Variants in PLEKHF2 observed in about 807,000 individuals in gnomAD.
The protein encoded by PLEKHF2 is pleckstrin homology domain-containing family F member 2.
In PLEKHF2, 4 loss-of-function variants were observed where a neutral mutation model predicts 14.7. The ratio of observed to expected loss-of-function variants is 0.27; its 90% CI spans 0.13 to 0.62. The LOEUF (loss-of-function observed/expected upper bound fraction) is 0.62. Among genes scored for constraint, PLEKHF2 ranks in the 20% least tolerant of loss-of-function variants. PLEKHF2 has a pLI of 0.85. For missense variants in PLEKHF2, 201 were observed against 307.7 expected, an observed-to-expected ratio of 0.65 and a Z score of 2.60; for synonymous variants, 90 against 103.5, an observed-to-expected ratio of 0.87 and a Z score of 0.79.
chr8:95,134,765 G>A (rs1020839678), intron 1 of PLEKHF2, among the ~76,000 whole-genome samples: 1 of 152,150 alleles, frequency 6.6e-6, no homozygotes, highest in African/African-American at 2.4e-5. Context: ...GAAGGTTACA[G>A]ACACCTAAGC....
chr8:95,141,106 AG>A (rs1233034201), intron 1 of PLEKHF2, among the ~76,000 whole-genome samples: 3 of 152,228 alleles, frequency 2.0e-5, no homozygotes, highest in Non-Finnish European at 4.4e-5. Flanking sequence ...GCACAGAGCA[AG>A]TGATAATAAA....
chr8:95,141,487 A>AAT lies in PLEKHF2; in HGVS notation c.-15+7459_-15+7460dup, dbSNP rs1200643089. On this transcript the variant is annotated intron_variant, in intron 1 of 1. Coordinates refer to ENST00000315367, the MANE Select transcript of PLEKHF2 (RefSeq NM_024613.4). ...TTATTTTTCCCCCCTTTTCCCACTA[A>AAT]ATAACTCCCCTACAGCCTCTGCTGC... Among the ~76,000 whole-genome samples, 7 of 152,074 alleles carry AAT rather than the reference A, an allele frequency of 4.6e-5. No individual in the cohort carries two copies. In the East Asian group the frequency reaches 1.3e-3, roughly 29 times the overall value.
At chr8:95,149,353 TC>T (rs1420687618) in intron 1 of PLEKHF2, among the ~76,000 whole-genome samples, 1 of 152,138 alleles carries the variant, frequency 6.6e-6, no homozygotes, top group Non-Finnish European at 1.5e-5. Context: ...TCATTGTACT[TC>T]ATCTTTTGGA....
At chr8:95,143,431 T>A (rs1229557119) in intron 1 of PLEKHF2, among the ~76,000 whole-genome samples, 2 of 152,166 alleles carry the variant, frequency 1.3e-5, no homozygotes, top group African/African-American at 4.8e-5. Context: ...AACCTCCACA[T>A]CTGTTGGGAA....
At chr8:95,138,936 G>A (rs1587303636) in intron 1 of PLEKHF2, among the ~76,000 whole-genome samples, 2 of 152,106 alleles carry the variant, frequency 1.3e-5, no homozygotes, top group African/African-American at 4.8e-5. Flanking sequence ...TAGAATTGTT[G>A]TATAAACTTT....
intron 1 of PLEKHF2, among the ~76,000 whole-genome samples, chr8:95,141,875 G>A (rs900213037): frequency 2.6e-5 from 4 of 151,988 alleles, no homozygotes; most frequent in African/African-American, 9.7e-5. Flanking sequence ...TACTTGCAAA[G>A]CTTTGTGCCT....
chr8:95,153,551 T>C (rs1194367164), intron 1 of PLEKHF2, among the ~76,000 whole-genome samples: 1 of 152,188 alleles, frequency 6.6e-6, no homozygotes, highest in Non-Finnish European at 1.5e-5. Flanking sequence ...CCAGGACACA[T>C]GTTGGGAAAC....
In PLEKHF2 at chr8:95,155,913, T is replaced by G. The variant is rs1810613819; in HGVS notation, c.*1119T>G. 1 of 167,098 alleles carries G rather than the reference T, an allele frequency of 6.0e-6. No homozygotes were observed. The highest frequency in any genetic ancestry group is 6.5e-5 in the Admixed American group (1 of 15,282). The allele number at this position is 167,098 out of a possible 1,614,324, so 10.4% of individuals were successfully genotyped here. Reference sequence around the variant, plus strand: ...AAATATAGTGTTATATTTTATAAAGTTTTGTAAAATCCCAAACAATATTTC... The same window carrying G: ...AAATATAGTGTTATATTTTATAAAGGTTTGTAAAATCCCAAACAATATTTC... On this transcript the variant is annotated 3_prime_UTR_variant, in exon 2 of 2. Transcript: ENST00000315367.
At chr8:95,147,155 T>G (rs1385397587) in intron 1 of PLEKHF2, among the ~76,000 whole-genome samples, 1 of 152,060 alleles carries the variant, frequency 6.6e-6, no homozygotes, top group Non-Finnish European at 1.5e-5. Context: ...TCATCAACAT[T>G]TCAGTGGGAT....
intron 1 of PLEKHF2, among the ~76,000 whole-genome samples, chr8:95,134,630 G>T (rs1458829860): frequency 6.6e-6 from 1 of 152,176 alleles, no homozygotes; most frequent in African/African-American, 2.4e-5. Context: ...ATCCTTTGAC[G>T]AATTTATTTT....
intron 1 of PLEKHF2, among the ~76,000 whole-genome samples, chr8:95,139,106 A>C (rs1196061439): frequency 2.6e-5 from 4 of 152,124 alleles, no homozygotes; most frequent in Non-Finnish European, 4.4e-5. Context: ...GTCATTTTTT[A>C]AATTTACTGG....
In PLEKHF2 at chr8:95,138,960, A is replaced by G. The variant is rs141432293; in HGVS notation, c.-15+4930A>G. ...TGTATAAACTTTCTAAAGCATTTCTATTGCCAAAATGGCATTTAGAAAAGT... is the reference window on the plus strand; with the variant it reads ...TGTATAAACTTTCTAAAGCATTTCTGTTGCCAAAATGGCATTTAGAAAAGT... On this transcript the variant is annotated intron_variant, in intron 1 of 1. Coordinates refer to ENST00000315367, the MANE Select transcript of PLEKHF2 (RefSeq NM_024613.4). Among the ~76,000 whole-genome samples the G allele has an allele frequency of 3.7e-3, 565 of 152,342 alleles. 6 individuals carry two copies. Among genetic ancestry groups the G allele is most frequent in the African/African-American group, 0.012 (513 of 41,584 alleles).
Position 95,154,744 on chromosome 8 carries a change from C to T in PLEKHF2, c.700C>T (p.Pro234Ser). 6.2e-7 allele frequency: 1 copy of T among 1,614,034 alleles called. No individual in the cohort carries two copies. The highest frequency in any genetic ancestry group is 1.1e-5 in the South Asian group (1 of 91,078). ...SDSYSQSLKS[P>S]LNDMSDDDDD... ...CTCTTACAGCCAGTCATTGAAGTCT[C>T]CTTTAAATGATATGTCTGATGATGA... The change falls in exon 2 of 2, where the codon CCT (proline) becomes TCT (serine). Residue 234 changes from proline to serine, a missense_variant. Pro to Ser is a moderately conservative substitution (Grantham distance 74). Transcript: ENST00000315367. The surrounding 1 kb of genome is among the most constrained non-coding windows in gnomAD (Gnocchi z 5.6).
At chr8:95,148,758 C>G (rs991973524) in intron 1 of PLEKHF2, among the ~76,000 whole-genome samples, 1 of 152,146 alleles carries the variant, frequency 6.6e-6, no homozygotes, top group Middle Eastern at 3.4e-3. Flanking sequence ...TTAATTAGCT[C>G]TTTTAGAATG....
intron 1 of PLEKHF2, among the ~76,000 whole-genome samples, chr8:95,147,795 T>G (rs1330087626): frequency 6.6e-6 from 1 of 152,054 alleles, no homozygotes; most frequent in Non-Finnish European, 1.5e-5. Flanking sequence ...TTAGCATTTT[T>G]CTTCTAAGCT....
chr8:95,152,074 C>A (rs1810570251), intron 1 of PLEKHF2, among the ~76,000 whole-genome samples: 1 of 152,056 alleles, frequency 6.6e-6, no homozygotes, highest in Admixed American at 6.6e-5. Context: ...GTCTTAAAAT[C>A]TATAGCACCT....
intron 1 of PLEKHF2, among the ~76,000 whole-genome samples, chr8:95,144,164 A>C (rs548443373): frequency 2.6e-5 from 4 of 152,206 alleles, no homozygotes; most frequent in Non-Finnish European, 5.9e-5. Context: ...TTAAATAATA[A>C]AAATTTAGAG....
At chr8:95,143,958 C>T (rs1186677517) in intron 1 of PLEKHF2, among the ~76,000 whole-genome samples, 1 of 152,158 alleles carries the variant, frequency 6.6e-6, no homozygotes, top group Non-Finnish European at 1.5e-5. Context: ...CCCAGGACAG[C>T]TTGGAATGTG....
chr8:95,143,501 A>G (rs140609557), intron 1 of PLEKHF2, among the ~76,000 whole-genome samples: 7 of 152,322 alleles, frequency 4.6e-5, no homozygotes, highest in African/African-American at 1.7e-4. Context: ...AAGTGGTGCA[A>G]ATAAAATGGT....
Sources: allele counts gnomAD v4.1 joint callset (sites outside exome capture counted in the v4.1 genomes callset), GRCh38; gene constraint gnomAD v4.1.1; non-coding constraint Gnocchi (gnomAD v3.1); transcripts MANE v1.5; gene names NCBI Gene and HGNC (gene_info 2026-07-23, HGNC 2026-07-21).